The following FARS2 variants were observed in gnomAD, a reference collection of about 807,000 sequenced individuals.
FARS2 encodes the protein phenylalanine--tRNA ligase, mitochondrial.
FARS2 carries 40 observed loss-of-function variants against 46.4 expected under a neutral mutation model. The observed-to-expected ratio is 0.86, with a 90% confidence interval of 0.67 to 1.12. FARS2 has a LOEUF of 1.12. Ranked by LOEUF, FARS2 falls within the 50% of genes most tolerant of loss-of-function variation. FARS2 has a pLI of 0.00. For synonymous variants in FARS2, 234 were observed against 214.9 expected, an observed-to-expected ratio of 1.09 and a Z score of -0.78; for missense variants, 513 against 567.9, an observed-to-expected ratio of 0.90 and a Z score of 0.98.
chr6:5,485,460 C>T (rs1029347297), intron 4 of FARS2, among the ~76,000 whole-genome samples: 1 of 144,190 alleles, frequency 6.9e-6, no homozygotes, highest in Non-Finnish European at 1.5e-5. Flanking sequence ...CAGTTCTTAA[C>T]GTTGTCTTCA....
intron 1 of FARS2, among the ~76,000 whole-genome samples, chr6:5,367,303 G>A (rs1229699137): frequency 6.6e-6 from 1 of 152,182 alleles, no homozygotes; most frequent in Admixed American, 6.5e-5. Flanking sequence ...CCACATAGTT[G>A]TATGCTTTAA....
At chr6:5,323,414 G>A (rs987181242) in intron 1 of FARS2, among the ~76,000 whole-genome samples, 2 of 152,134 alleles carry the variant, frequency 1.3e-5, no homozygotes, top group African/African-American at 4.8e-5. Flanking sequence ...GAGACACTGA[G>A]GGTTGGCCTT....
At position 5,340,903 on chromosome 6, in the gene FARS2, T is replaced by G. The variant is rs58558063; in HGVS notation, c.-21-27647T>G. Among the ~76,000 whole-genome samples the G allele has an allele frequency of 4.6e-3, 699 of 151,798 alleles. 5 individuals carry two copies. Among genetic ancestry groups the G allele is most frequent in the African/African-American group, 0.016 (664 of 41,418 alleles). ...TGGCTCACGCCTGTAATCCCAGCAC[T>G]TTGGGAGGCCGAGGCGGGCGGATCA... On this transcript the variant is annotated intron_variant, in intron 1 of 6. Transcript: ENST00000274680.
At chr6:5,562,320 AT>A (rs1437281519) in intron 5 of FARS2, among the ~76,000 whole-genome samples, 1 of 152,090 alleles carries the variant, frequency 6.6e-6, no homozygotes, top group Non-Finnish European at 1.5e-5. Context: ...TAACGGCGTT[AT>A]AGAGTGCTTG....
chr6:5,457,724 A>G (rs1319972090), intron 4 of FARS2, among the ~76,000 whole-genome samples: 1 of 152,228 alleles, frequency 6.6e-6, no homozygotes, highest in African/African-American at 2.4e-5. Context: ...GGAAATAAAC[A>G]TAGGGTTTTT....
At chr6:5,610,648 C>T (rs373847914) in intron 5 of FARS2, among the ~76,000 whole-genome samples, 6 of 152,174 alleles carry the variant, frequency 3.9e-5, no homozygotes, top group African/African-American at 1.4e-4. Context: ...TACTGAGGGA[C>T]GACTATATGC....
At chr6:5,713,149 C>G (rs1292964556) in intron 6 of FARS2, among the ~76,000 whole-genome samples, 1 of 152,304 alleles carries the variant, frequency 6.6e-6, no homozygotes, top group Non-Finnish European at 1.5e-5. Context: ...AACTTTTACT[C>G]TCTTTAACTT....
intron 4 of FARS2, among the ~76,000 whole-genome samples, chr6:5,444,492 AAGAGAGAG>A (rs1159436875): frequency 0.01 from 368 of 35,600 alleles, 4 homozygotes; most frequent in African/African-American, 0.013. Flanking sequence ...AAAAAAAAAA[AAGAGAGAG>A]AGAGAGAGAG....
At chr6:5,497,031 A>G (rs1247700948) in intron 4 of FARS2, among the ~76,000 whole-genome samples, 1 of 152,118 alleles carries the variant, frequency 6.6e-6, no homozygotes, top group Non-Finnish European at 1.5e-5. Flanking sequence ...AATGGGGTGA[A>G]GAAGCTCTAA....
chr6:5,303,605 C>T (rs1048844560), intron 1 of FARS2, among the ~76,000 whole-genome samples: 1 of 151,966 alleles, frequency 6.6e-6, no homozygotes, highest in Non-Finnish European at 1.5e-5. Flanking sequence ...GCTGGCTGCT[C>T]CCCAAGCCCC....
intron 1 of FARS2, among the ~76,000 whole-genome samples, chr6:5,308,649 C>T (rs1768889708): frequency 6.6e-6 from 1 of 152,194 alleles, no homozygotes; most frequent in Admixed American, 6.5e-5. Flanking sequence ...GCGCTGGTAT[C>T]AGGTGGACCC....
At chr6:5,575,414 T>TA (rs1186863085) in intron 5 of FARS2, among the ~76,000 whole-genome samples, 6 of 152,334 alleles carry the variant, frequency 3.9e-5, no homozygotes, top group Admixed American at 3.3e-4. Context: ...ATCACCTGTG[T>TA]ATCTGTACCT....
At chr6:5,516,281 T>C (rs533610294) in intron 4 of FARS2, among the ~76,000 whole-genome samples, 2 of 152,286 alleles carry the variant, frequency 1.3e-5, no homozygotes, top group South Asian at 2.1e-4. Context: ...CATTAGACTA[T>C]AGAGGGGCCA....
At chr6:5,570,704 C>T (rs1348294191) in intron 5 of FARS2, among the ~76,000 whole-genome samples, 2 of 152,206 alleles carry the variant, frequency 1.3e-5, no homozygotes, top group South Asian at 2.1e-4. Context: ...CCTCTGGGCA[C>T]AGAACCACAA....
chr6:5,628,365 C>G (rs1776135935), intron 6 of FARS2, among the ~76,000 whole-genome samples: 1 of 152,212 alleles, frequency 6.6e-6, no homozygotes, highest in Admixed American at 6.5e-5. Context: ...CCAAACCACT[C>G]TGTCCCTAGA....
At chr6:5,454,328 G>GT (rs976496455) in intron 4 of FARS2, among the ~76,000 whole-genome samples, 2 of 150,436 alleles carry the variant, frequency 1.3e-5, no homozygotes, top group African/African-American at 2.5e-5. Context: ...ATCAACACTT[G>GT]TTTTTTTAAA....
chr6:5,721,100 A>G (rs1246212676), intron 6 of FARS2, among the ~76,000 whole-genome samples: 2 of 152,348 alleles, frequency 1.3e-5, no homozygotes, highest in South Asian at 4.1e-4. Flanking sequence ...ATTTTAAAAG[A>G]TTTTATTATT....
intron 5 of FARS2, among the ~76,000 whole-genome samples, chr6:5,561,086 A>G (rs900961796): frequency 3.3e-5 from 5 of 152,306 alleles, no homozygotes; most frequent in African/African-American, 1.2e-4. Context: ...AGCCGAGATC[A>G]TGCCACTGCA....
chr6:5,482,437 C>T (rs1766522199), intron 4 of FARS2, among the ~76,000 whole-genome samples: 1 of 152,122 alleles, frequency 6.6e-6, no homozygotes, highest in African/African-American at 2.4e-5. Flanking sequence ...AGAGTGGGCC[C>T]TTTTTCCTGA....
Sources: gnomAD v4.1 joint callset for allele counts (sites outside exome capture counted in the v4.1 genomes callset) on GRCh38, gnomAD v4.1.1 for gene constraint, MANE v1.5 for transcripts, NCBI Gene and HGNC (gene_info 2026-07-23, HGNC 2026-07-21) for gene names.